Variants in PTPRK observed in about 807,000 individuals in gnomAD.
The protein encoded by PTPRK is protein tyrosine phosphatase receptor type K, also known as receptor-type tyrosine-protein phosphatase kappa.
In PTPRK, 75 loss-of-function variants were observed where a neutral mutation model predicts 178.0. The observed-to-expected ratio is 0.42, with a 90% CI of 0.35 to 0.51. PTPRK has a LOEUF of 0.51. Ranked by LOEUF, PTPRK falls within the 20% of genes least tolerant of loss-of-function variation. The probability of loss-of-function intolerance (pLI) is 0.02; values close to 1 mark genes in which losing one functional copy is unlikely to be tolerated. For synonymous variants in PTPRK, 637 were observed against 620.6 expected (o/e 1.03, Z -0.39); for missense variants, 1,441 against 1,797.8 (o/e 0.80, Z 3.59).
At chr6:128,447,907 C>T (rs1847240423) in intron 1 of PTPRK, among the ~76,000 whole-genome samples, 2 of 152,234 alleles carry the variant, frequency 1.3e-5, no homozygotes, top group South Asian at 4.2e-4. Flanking sequence ...CAGGTGTGAG[C>T]CACCGCGCCC....
intron 11 of PTPRK, among the ~76,000 whole-genome samples, chr6:128,073,464 T>C (rs1783209832): frequency 6.6e-6 from 1 of 152,050 alleles, no homozygotes; most frequent in Non-Finnish European, 1.5e-5. Context: ...AAGTATCCGT[T>C]GGGCAGAAAT....
rs186414295 is a variant in PTPRK at position 128,034,826 on chromosome 6, C to T, written c.2195-25558G>A. Among the ~76,000 whole-genome samples the T allele has an allele frequency of 3.5e-3, 526 of 152,086 alleles. 7 individuals carry two copies. The highest frequency in any genetic ancestry group is 0.012 in the African/African-American group (481 of 41,490). ...CAAGTATATAAGTCCTTAATAAATA[C>T]GTGTGGATTGTGTGAAATGTTTAAA... On this transcript the variant is annotated intron_variant, in intron 13 of 29. Coordinates refer to ENST00000368226, the MANE Select transcript of PTPRK (RefSeq NM_002844.4).
intron 13 of PTPRK, among the ~76,000 whole-genome samples, chr6:128,023,940 G>T (rs984350003): frequency 6.6e-6 from 1 of 151,944 alleles, no homozygotes; most frequent in African/African-American, 2.4e-5. Context: ...AAAGTGCTGG[G>T]ATTACAGGCA....
chr6:128,130,432 C>T (rs567858372), intron 7 of PTPRK, among the ~76,000 whole-genome samples: 4 of 152,156 alleles, frequency 2.6e-5, no homozygotes, highest in Non-Finnish European at 5.9e-5. Context: ...CACTGAGTTA[C>T]GAGCTAGAAA....
chr6:128,487,785 T>G (rs1453453484), intron 1 of PTPRK, among the ~76,000 whole-genome samples: 1 of 152,128 alleles, frequency 6.6e-6, no homozygotes, highest in African/African-American at 2.4e-5. Context: ...ATTAAATACA[T>G]TTGCTATGCT....
intron 5 of PTPRK, among the ~76,000 whole-genome samples, chr6:128,226,744 T>C (rs983581634): frequency 1.5e-5 from 2 of 129,666 alleles, no homozygotes; most frequent in African/African-American, 5.7e-5. Context: ...CTATATGTAA[T>C]CTTATAATTA....
chr6:128,006,584 A>G (rs936087294), intron 14 of PTPRK, among the ~76,000 whole-genome samples: 5 of 151,020 alleles, frequency 3.3e-5, no homozygotes, highest in Non-Finnish European at 5.9e-5. Context: ...ATACATATAT[A>G]CCATATACTA....
chr6:128,083,844 T>A lies in PTPRK; in HGVS notation c.1466-20A>T. On this transcript the variant is annotated intron_variant, in intron 8 of 29. Coordinates refer to ENST00000368226, the MANE Select transcript of PTPRK (RefSeq NM_002844.4). Reference sequence around the variant, plus strand: ...CAGGCACTACAAAACACATGAATTTTTTGTTATGAAAATGCTTACATTAGA... The same window carrying A: ...CAGGCACTACAAAACACATGAATTTATTGTTATGAAAATGCTTACATTAGA... The A allele has an allele frequency of 7.0e-7, 1 of 1,436,590 alleles. No homozygotes were observed. Among genetic ancestry groups the A allele is most frequent in the Non-Finnish European group, 9.5e-7 (1 of 1,055,528 alleles). 89.0% of individuals were successfully genotyped at this position (1,436,590 alleles called of 1,614,324 possible).
intron 2 of PTPRK, among the ~76,000 whole-genome samples, chr6:128,394,824 G>C (rs143922200): frequency 6.6e-6 from 1 of 152,126 alleles, no homozygotes; most frequent in East Asian, 1.9e-4. Flanking sequence ...TCTATCTTCA[G>C]TCTTCTTTCA....
Position 128,202,857 on chromosome 6 carries a change from C to T in PTPRK, c.868+16065G>A, listed in dbSNP as rs12209399. On this transcript the variant is annotated intron_variant, in intron 6 of 29. Coordinates refer to ENST00000368226, the MANE Select transcript of PTPRK (RefSeq NM_002844.4). ...AGAGCTGGTACCATTTCTACGGAAA[C>T]TAATCCAAAAAATTAAGAAGGCGGG... Among the ~76,000 whole-genome samples the T allele has an allele frequency of 2.0e-3, 304 of 152,260 alleles. 2 individuals are homozygous for T. Among genetic ancestry groups the T allele is most frequent in the South Asian group, 4.6e-3 (22 of 4,820 alleles).
At position 128,076,292 on chromosome 6, in the gene PTPRK, T is replaced by C. The variant is rs575678108; in HGVS notation, c.1883+2521A>G. ...AGCCTCACGATAAGGCTACAGTTGCTGGTAGGGAGACTGAAAGTAGGAATG... is the reference window on the plus strand; with the variant it reads ...AGCCTCACGATAAGGCTACAGTTGCCGGTAGGGAGACTGAAAGTAGGAATG... On this transcript the variant is annotated intron_variant, in intron 11 of 29. Transcript: ENST00000368226. 8.5e-5 allele frequency among the ~76,000 whole-genome samples: 13 copies of C among 152,102 alleles called. No homozygotes were observed. In the South Asian group the frequency reaches 2.3e-3, roughly 27 times the overall value.
chr6:128,500,167 T>C (rs1354754650), intron 1 of PTPRK, among the ~76,000 whole-genome samples: 1 of 152,202 alleles, frequency 6.6e-6, no homozygotes, highest in African/African-American at 2.4e-5. Context: ...TGCTCATGTA[T>C]TGTTGTCATT....
At chr6:128,354,172 T>A (rs1477373253) in intron 2 of PTPRK, among the ~76,000 whole-genome samples, 2 of 151,050 alleles carry the variant, frequency 1.3e-5, no homozygotes, top group East Asian at 3.9e-4. Context: ...TATTCCTTAC[T>A]AAGTTGGGAT....
chr6:128,050,214 C>T (rs1272285819), intron 13 of PTPRK, among the ~76,000 whole-genome samples: 1 of 152,010 alleles, frequency 6.6e-6, no homozygotes, highest in Non-Finnish European at 1.5e-5. Flanking sequence ...AGAACTGAAC[C>T]TAAAGACAGT....
intron 1 of PTPRK, among the ~76,000 whole-genome samples, chr6:128,495,314 T>C (rs1854493440): frequency 6.6e-6 from 1 of 152,204 alleles, no homozygotes. Context: ...CATAGATATA[T>C]ACTTTAAATC....
chr6:128,022,325 G>A (rs1372863876), intron 13 of PTPRK, among the ~76,000 whole-genome samples: 5 of 152,136 alleles, frequency 3.3e-5, no homozygotes, highest in Admixed American at 6.5e-5. Flanking sequence ...GGGCTGGAAG[G>A]TCGGGGGACA....
chr6:128,407,480 T>A (rs1211337850), intron 1 of PTPRK, among the ~76,000 whole-genome samples: 1 of 151,090 alleles, frequency 6.6e-6, no homozygotes, highest in East Asian at 1.9e-4. Flanking sequence ...TCTACAAAAA[T>A]TTCTAAAAAT....
chr6:128,178,112 T>G (rs181197762), intron 7 of PTPRK, among the ~76,000 whole-genome samples: 425 of 151,976 alleles, frequency 2.8e-3, no homozygotes, highest in Non-Finnish European at 4.5e-3. Context: ...ACGGAAGCAT[T>G]AAACCAACTC....
intron 2 of PTPRK, among the ~76,000 whole-genome samples, chr6:128,335,098 A>T (rs1051580718): frequency 3.3e-5 from 5 of 152,136 alleles, no homozygotes; most frequent in South Asian, 2.1e-4. Context: ...AAAAACAAAA[A>T]ACAAACAAAC....
Sources: allele counts gnomAD v4.1 joint callset (sites outside exome capture counted in the v4.1 genomes callset), GRCh38; gene constraint gnomAD v4.1.1; transcripts MANE v1.5; gene names NCBI Gene and HGNC (gene_info 2026-07-23, HGNC 2026-07-21).